Variants in PLA2G2C observed in about 807,000 individuals in gnomAD.
PLA2G2C encodes the protein phospholipase A2 group IIC, also known as putative inactive group IIC secretory phospholipase A2.
PLA2G2C carries 15 observed loss-of-function variants against 14.3 expected under a neutral mutation model. The observed-to-expected ratio is 1.05, with a 90% confidence interval of 0.70 to 1.62. The LOEUF is 1.62. Among genes scored for constraint, PLA2G2C ranks in the 40% most tolerant of loss-of-function variants. The pLI is 0.00. For missense variants in PLA2G2C, 162 were observed against 173.2 expected, an observed-to-expected ratio of 0.94 and a Z score of 0.36; for synonymous variants, 79 against 67.7, an observed-to-expected ratio of 1.17 and a Z score of -0.82.
chr1:20,170,370 G>A (rs972368219), intron 4 of PLA2G2C, among the ~76,000 whole-genome samples: 4 of 152,188 alleles, frequency 2.6e-5, no homozygotes, highest in African/African-American at 9.7e-5. Flanking sequence ...CTACAAGGAG[G>A]GGCTGATCTG....
chr1:20,169,348 T>C, intron 4 of PLA2G2C, among the ~76,000 whole-genome samples: 1 of 151,680 alleles, frequency 6.6e-6, no homozygotes, highest in East Asian at 1.9e-4. Flanking sequence ...TGGCTAATTG[T>C]TTGTATGTTT....
Position 20,175,072 on chromosome 1 carries a change from T to A in PLA2G2C, c.114A>T (p.Ser38=). The A allele has an allele frequency of 1.2e-6, 2 of 1,614,008 alleles. No homozygotes were observed. The highest frequency in any genetic ancestry group is 1.7e-6 in the Non-Finnish European group (2 of 1,179,900). The change falls in exon 3 of 5, where the codon TCA becomes TCT. Residue 38 remains serine (S), a synonymous_variant. Coordinates refer to ENST00000679259, the MANE Select transcript of PLA2G2C (RefSeq NM_001367969.2). ...CACAGTAGCAGCCATATCCGTAATA[T>A]GAGAAGAAGGCACTTCGCCCCGTGA... is the stretch of plus-strand genomic sequence containing the variant. ...KHITGRSAFF[S]YYGYGCYCGL...
rs2301475 is a variant in PLA2G2C, at chr1:20,172,675, T to C, written c.283+119A>G. ...AGCATCAGGAGAAAGCTCAGGAATA[T>C]CTCCTTCCAAGCACTTGGAAGCATT... On this transcript the variant is annotated intron_variant, in intron 4 of 4. Coordinates refer to ENST00000679259, the MANE Select transcript of PLA2G2C (RefSeq NM_001367969.2). 299,157 of 871,500 alleles carry C rather than the reference T, an allele frequency of 0.34. 55,386 individuals are homozygous for C. The highest frequency in any genetic ancestry group is 0.64 in the East Asian group (23,838 of 37,040). The allele number at this position is 871,500 out of a possible 1,614,324, so 54.0% of individuals were successfully genotyped here.
chr1:20,183,251 A>G (rs2018302632), intron 1 of PLA2G2C, among the ~76,000 whole-genome samples: 1 of 152,178 alleles, frequency 6.6e-6, no homozygotes, highest in Non-Finnish European at 1.5e-5. Flanking sequence ...AGCGAAGGTA[A>G]ATCATTTACC....
At chr1:20,172,562 G>A (rs1432891037) in intron 4 of PLA2G2C, among the ~76,000 whole-genome samples, 1 of 152,168 alleles carries the variant, frequency 6.6e-6, no homozygotes, top group Non-Finnish European at 1.5e-5. Context: ...TATCTGCCAG[G>A]CTCTGGGCCC....
chr1:20,183,005 C>T (rs372522290), intron 1 of PLA2G2C, among the ~76,000 whole-genome samples: 19 of 152,288 alleles, frequency 1.2e-4, no homozygotes, highest in African/African-American at 4.3e-4. Context: ...TCATCATTGC[C>T]GAGCACGTAT....
chr1:20,168,974 G>A (rs1015439009), intron 4 of PLA2G2C, among the ~76,000 whole-genome samples: 1 of 152,190 alleles, frequency 6.6e-6, no homozygotes, highest in African/African-American at 2.4e-5. Context: ...GACATTTAGA[G>A]TCGTGGACAG....
chr1:20,179,823 T>C (rs1322457788), intron 1 of PLA2G2C, among the ~76,000 whole-genome samples: 1 of 151,282 alleles, frequency 6.6e-6, no homozygotes, highest in East Asian at 2.0e-4. Flanking sequence ...TGTGTGTGTG[T>C]TAGCTTCTCC....
At chr1:20,167,994 A>G (rs1296450613) in intron 4 of PLA2G2C, among the ~76,000 whole-genome samples, 1 of 152,242 alleles carries the variant, frequency 6.6e-6, no homozygotes, top group Admixed American at 6.5e-5. Context: ...TTTTTGGAAC[A>G]CAAGCTCCTT....
intron 4 of PLA2G2C, among the ~76,000 whole-genome samples, chr1:20,170,654 G>A (rs1486423792): frequency 1.3e-5 from 2 of 152,162 alleles, no homozygotes. Flanking sequence ...TGGGGGTGGG[G>A]ATGACAGGGG....
chr1:20,174,534 A>G (rs1008260896), intron 3 of PLA2G2C, among the ~76,000 whole-genome samples: 1 of 152,226 alleles, frequency 6.6e-6, no homozygotes, highest in Non-Finnish European at 1.5e-5. Flanking sequence ...TGCTGTGCCT[A>G]TAGTCCTAAA....
At chr1:20,172,944 A>T in intron 3 of PLA2G2C, 47 bp from the exon 4 acceptor site, 1 of 1,459,328 alleles carries the variant, frequency 6.9e-7, no homozygotes, top group East Asian at 2.3e-5. Context: ...TTATCTGGGG[A>T]CTAGAAAGGG....
chr1:20,183,345 C>G (rs1382101989), intron 1 of PLA2G2C, among the ~76,000 whole-genome samples: 1 of 152,192 alleles, frequency 6.6e-6, no homozygotes, highest in African/African-American at 2.4e-5. Context: ...TCCCCACGAC[C>G]AGTGCAACGG....
At chr1:20,171,248 G>C (rs1231149626) in intron 4 of PLA2G2C, among the ~76,000 whole-genome samples, 1 of 152,096 alleles carries the variant, frequency 6.6e-6, no homozygotes, top group Admixed American at 6.5e-5. Context: ...TGGCCTTGGA[G>C]GTGTCACAGA....
intron 4 of PLA2G2C, among the ~76,000 whole-genome samples, chr1:20,167,647 G>GCAAA: frequency 6.6e-6 from 1 of 152,280 alleles, no homozygotes; most frequent in South Asian, 2.1e-4. Flanking sequence ...ACTGTAGCCA[G>GCAAA]AGTGATCTTT....
At chr1:20,185,416 G>A (rs1211981294) in intron 1 of PLA2G2C, among the ~76,000 whole-genome samples, 1 of 152,162 alleles carries the variant, frequency 6.6e-6, no homozygotes, top group African/African-American at 2.4e-5. Context: ...GATTGATATC[G>A]AGGGGGAAAG....
intron 2 of PLA2G2C, among the ~76,000 whole-genome samples, chr1:20,176,329 A>C (rs2018183131): frequency 6.6e-6 from 1 of 152,056 alleles, no homozygotes; most frequent in Non-Finnish European, 1.5e-5. Context: ...TAGGGAAAAA[A>C]CTGGGGTCTG....
chr1:20,166,296 G>T (rs2017977809), intron 4 of PLA2G2C, among the ~76,000 whole-genome samples: 1 of 152,190 alleles, frequency 6.6e-6, no homozygotes, highest in African/African-American at 2.4e-5. Context: ...ACACCACTGA[G>T]CTTCCTGCCC....
intron 4 of PLA2G2C, among the ~76,000 whole-genome samples, chr1:20,169,073 G>A (rs1400197979): frequency 6.6e-6 from 1 of 152,212 alleles, no homozygotes; most frequent in East Asian, 1.9e-4. Flanking sequence ...GACCAGGCCT[G>A]GGTGCAGGAT....
Sources: allele counts gnomAD v4.1 joint callset (sites outside exome capture counted in the v4.1 genomes callset), GRCh38; gene constraint gnomAD v4.1.1; transcripts MANE v1.5; gene names NCBI Gene and HGNC (gene_info 2026-07-23, HGNC 2026-07-21).